The following GSR variants were observed in gnomAD, a reference collection of about 807,000 sequenced individuals.
The protein encoded by GSR is glutathione-disulfide reductase.
GSR carries 48 observed loss-of-function variants against 56.5 expected under a neutral mutation model. That is an observed-to-expected ratio of 0.85 (90% CI 0.67 to 1.08). The LOEUF (loss-of-function observed/expected upper bound fraction) is 1.08. Ranked by LOEUF, GSR falls within the 50% of genes least tolerant of loss-of-function variation. GSR has a pLI of 0.00. For synonymous variants in GSR, 264 were observed against 270.8 expected, an observed-to-expected ratio of 0.97 and a Z score of 0.25; for missense variants, 694 against 703.3, an observed-to-expected ratio of 0.99 and a Z score of 0.15.
At chr8:30,690,015 A>G (rs986382504) in intron 8 of GSR, among the ~76,000 whole-genome samples, 3 of 142,336 alleles carry the variant, frequency 2.1e-5, no homozygotes, top group Admixed American at 1.5e-4. Context: ...CATATATTAT[A>G]TAATACGTAT....
intron 10 of GSR, 134 bp from the exon 11 acceptor site, chr8:30,682,195 C>T: frequency 2.6e-6 from 2 of 783,462 alleles, no homozygotes; most frequent in Non-Finnish European, 4.5e-6. Flanking sequence ...ATTACACTAT[C>T]TAGATAGTTT....
rs76309974 is a variant in GSR, at chr8:30,683,692, T to G, written c.1153+396A>C. 4.7e-3 allele frequency among the ~76,000 whole-genome samples: 706 copies of G among 150,876 alleles called. 2 individuals are homozygous for G. The highest frequency in any genetic ancestry group is 0.012 in the African/African-American group (507 of 40,998). ...GGAGGATCACCTGAGCCCAGGAAGG[T>G]TGAAACTGCAGTGAGCCCGTGATCA... On this transcript the variant is annotated intron_variant, in intron 10 of 12. Coordinates refer to ENST00000221130, the MANE Select transcript of GSR (RefSeq NM_000637.5).
chr8:30,691,509 C>A (rs926964680), intron 8 of GSR, among the ~76,000 whole-genome samples: 7 of 147,702 alleles, frequency 4.7e-5, no homozygotes, highest in African/African-American at 1.7e-4. Flanking sequence ...GGTGAAACCC[C>A]GTCTCTACTG....
chr8:30,715,269 G>C (rs939792614), intron 1 of GSR, among the ~76,000 whole-genome samples: 1 of 152,036 alleles, frequency 6.6e-6, no homozygotes, highest in African/African-American at 2.4e-5. Context: ...CTCCAGCCTA[G>C]GTAACAGAGC....
In GSR at chr8:30,696,489, G is replaced by C. The variant is rs8190996; in HGVS notation, c.696-10C>G. The stretch of plus-strand genomic sequence containing the variant: ...AACAATGACGCTGCGGCTGAGACGC[G>C]AGCAGAGGGTTAGTATTCTTAAATA... On this transcript the variant is annotated splice_polypyrimidine_tract_variant and intron_variant, in intron 6 of 12. Coordinates refer to ENST00000221130, the MANE Select transcript of GSR (RefSeq NM_000637.5). The C allele has an allele frequency of 3.2e-6, 5 of 1,574,530 alleles. No homozygotes were observed. The highest frequency in any genetic ancestry group is 4.4e-6 in the Non-Finnish European group (5 of 1,144,190).
At chr8:30,685,344 G>A (rs1219845871) in intron 9 of GSR, among the ~76,000 whole-genome samples, 2 of 151,976 alleles carry the variant, frequency 1.3e-5, no homozygotes, top group African/African-American at 4.8e-5. Context: ...TCACGCCTAG[G>A]TCTCCCAAAG....
In GSR at chr8:30,693,021, T is replaced by G. The variant is rs1803440087; in HGVS notation, c.830A>C (p.Asn277Thr). Residue 277 changes from asparagine (N) to threonine (T), a missense_variant, in exon 8 of 13, where the codon AAC becomes ACC. Physicochemically the swap from Asn to Thr is moderately conservative, Grantham distance 65 (BLOSUM62 0). Coordinates refer to ENST00000221130, the MANE Select transcript of GSR (RefSeq NM_000637.5). ...AGCGTTCTCCAGCTCCTCCGTGCAG[T>G]TGGTGCTGATCATTGAATCAAAACT... ...LRSFDSMIST[N>T]CTEELENAGV... The G allele has an allele frequency of 6.2e-7, 1 of 1,612,616 alleles. No homozygotes were observed. Among genetic ancestry groups the G allele is most frequent in the Non-Finnish European group, 8.5e-7 (1 of 1,178,870 alleles).
intron 1 of GSR, among the ~76,000 whole-genome samples, chr8:30,726,338 A>G (rs1003740878): frequency 6.6e-6 from 1 of 152,186 alleles, no homozygotes; most frequent in African/African-American, 2.4e-5. Flanking sequence ...TAATTTAAAT[A>G]TTCATCTCCA....
intron 2 of GSR, among the ~76,000 whole-genome samples, chr8:30,710,414 A>T (rs1190499551): frequency 1.3e-5 from 2 of 151,656 alleles, no homozygotes; most frequent in Non-Finnish European, 2.9e-5. Flanking sequence ...TTAAAAACAG[A>T]CTAAAAAGAA....
At position 30,684,418 on chromosome 8, in the gene GSR, G is replaced by A. The variant is rs3926402; in HGVS notation, c.1042-219C>T. Among the ~76,000 whole-genome samples, 50,032 of 151,954 alleles carry A rather than the reference G, an allele frequency of 0.33. 8,572 individuals carry two copies. The highest frequency in any genetic ancestry group is 0.39 in the Non-Finnish European group (26,254 of 67,940). On this transcript the variant is annotated intron_variant, in intron 9 of 12. Transcript: ENST00000221130. ...TGTAACCCCAGAACTTTGAGAAGCCGAAGAGGGAGGATCCCTTAAGCCCAG... is the reference window on the plus strand; with the variant it reads ...TGTAACCCCAGAACTTTGAGAAGCCAAAGAGGGAGGATCCCTTAAGCCCAG...
At chr8:30,700,028 C>G (rs752636040) in intron 6 of GSR, 53 bp downstream of exon 6, 13 of 1,311,588 alleles carry the variant, frequency 9.9e-6, no homozygotes, top group Non-Finnish European at 1.4e-5. Context: ...AGAAAAGTTA[C>G]CAGGAGACAG....
chr8:30,703,370 C>A, intron 4 of GSR, 130 bp from the exon 5 acceptor site: 1 of 900,384 alleles, frequency 1.1e-6, no homozygotes, highest in Non-Finnish European at 1.8e-6. Flanking sequence ...CACAATTCTC[C>A]GTTTTTCAAG....
chr8:30,716,230 C>A (rs3779648), intron 1 of GSR, among the ~76,000 whole-genome samples: 11,812 of 152,236 alleles, frequency 0.078, 522 homozygotes, highest in South Asian at 0.18. Context: ...GGGGCAGCAG[C>A]AGAATCTCCA....
chr8:30,687,637 ACT>A (rs1337214773), intron 9 of GSR: 1 of 152,136 alleles, frequency 6.6e-6, no homozygotes, highest in African/African-American at 2.4e-5. Flanking sequence ...ACACGGCAAG[ACT>A]CTGTCTCAAA....
At chr8:30,702,297 G>A (rs1803771555) in intron 5 of GSR, among the ~76,000 whole-genome samples, 2 of 151,882 alleles carry the variant, frequency 1.3e-5, no homozygotes, top group Admixed American at 6.6e-5. Flanking sequence ...TCCAGCCTGG[G>A]TGACAGAGCC....
At position 30,684,187 on chromosome 8, in the gene GSR, C is replaced by T. The variant is rs144097786; in HGVS notation, c.1054G>A (p.Asp352Asn). 6.8e-5 allele frequency: 108 copies of T among 1,591,038 alleles called. No homozygotes were observed. The highest frequency in any genetic ancestry group is 4.7e-4 in the South Asian group (43 of 90,666). ...TCTACGATGATATGACCCTTGTCATCGGTTTGAATCCCCTAAAATTACAAA... is the reference window on the plus strand; with the variant it reads ...TCTACGATGATATGACCCTTGTCATTGGTTTGAATCCCCTAAAATTACAAA... ...LSLNKLGIQT[D>N]DKGHIIVDEF... is the part of the protein sequence containing the mutation. The change falls in exon 10 of 13, where the codon GAT becomes AAT. Residue 352 changes from aspartate (D) to asparagine (N), a missense_variant. Physicochemically the swap from Asp to Asn is conservative, Grantham distance 23. Transcript: ENST00000221130.
chr8:30,709,745 T>G (rs8190941), intron 3 of GSR, 69 bp downstream of exon 3: 4 of 878,578 alleles, frequency 4.6e-6, no homozygotes, highest in East Asian at 4.8e-5. Flanking sequence ...CCTAAAAAAG[T>G]TTATGGCTCA....
At position 30,679,380 on chromosome 8, in the gene GSR, G is replaced by T. The variant is rs1237497907; in HGVS notation, c.*140C>A. Reference sequence around the variant, plus strand: ...TAACTCCATAAATAAGTTCTATTATGTACTAAAAATTTCCACTATCAGAAG... The same window carrying T: ...TAACTCCATAAATAAGTTCTATTATTTACTAAAAATTTCCACTATCAGAAG... On this transcript the variant is annotated 3_prime_UTR_variant, in exon 13 of 13. Coordinates refer to ENST00000221130, the MANE Select transcript of GSR (RefSeq NM_000637.5). 1.3e-6 allele frequency: 1 copy of T among 789,106 alleles called. No individual in the cohort carries two copies. 48.9% of individuals were successfully genotyped at this position (789,106 alleles called of 1,614,324 possible).
At chr8:30,697,728 ACT>A (rs8190990) in intron 6 of GSR, among the ~76,000 whole-genome samples, 1 of 151,986 alleles carries the variant, frequency 6.6e-6, no homozygotes, top group East Asian at 1.9e-4. Context: ...AGAGGAAAAA[ACT>A]CTGTGCAGAG....
Sources: allele counts gnomAD v4.1 joint callset (sites outside exome capture counted in the v4.1 genomes callset), GRCh38; gene constraint gnomAD v4.1.1; transcripts MANE v1.5; gene names NCBI Gene and HGNC (gene_info 2026-07-23, HGNC 2026-07-21).